Variants in MAGI1 observed in about 807,000 individuals in gnomAD.
MAGI1 encodes the protein membrane-associated guanylate kinase, WW and PDZ domain-containing protein 1.
Under a neutral mutation model 139.9 loss-of-function variants are expected in MAGI1, and 58 were observed. The ratio of observed to expected loss-of-function variants is 0.41; its 90% CI spans 0.34 to 0.52. MAGI1 has a LOEUF of 0.52. MAGI1 is among the 20% of genes least tolerant of loss of function. The pLI is 0.12. For synonymous variants in MAGI1, 812 were observed against 737.9 expected (o/e 1.10, Z -1.63); for missense variants, 1,874 against 1,901.6 (o/e 0.99, Z 0.27).
At chr3:65,391,025 C>G in intron 14 of MAGI1, 117 bp downstream of exon 14, 1 of 842,890 alleles carries the variant, frequency 1.2e-6, no homozygotes, top group Non-Finnish European at 1.9e-6. Context: ...TTGCATCTTG[C>G]GGATTTCACT....
intron 1 of MAGI1, among the ~76,000 whole-genome samples, chr3:65,802,461 C>T (rs371080721): frequency 2.6e-5 from 4 of 152,130 alleles, no homozygotes; most frequent in African/African-American, 9.7e-5. Flanking sequence ...AGATGGTAAA[C>T]AGAGCATCTG....
At chr3:65,912,094 A>G (rs1393604924) in intron 1 of MAGI1, among the ~76,000 whole-genome samples, 1 of 152,216 alleles carries the variant, frequency 6.6e-6, no homozygotes, top group African/African-American at 2.4e-5. Flanking sequence ...TATCTTAGAC[A>G]TATTTATTTT....
chr3:65,538,460 T>C (rs1170806801), intron 2 of MAGI1, among the ~76,000 whole-genome samples: 3 of 152,322 alleles, frequency 2.0e-5, no homozygotes, highest in Non-Finnish European at 2.9e-5. Flanking sequence ...ATTTTTCTCA[T>C]GTGTTCAGCA....
At chr3:65,512,295 T>G in intron 2 of MAGI1, among the ~76,000 whole-genome samples, 1 of 129,738 alleles carries the variant, frequency 7.7e-6, no homozygotes, top group Non-Finnish European at 1.6e-5. Context: ...AGGCAAGAAA[T>G]AACTAAAATC....
At chr3:65,871,753 G>T (rs2059946595) in intron 1 of MAGI1, among the ~76,000 whole-genome samples, 1 of 152,212 alleles carries the variant, frequency 6.6e-6, no homozygotes, top group African/African-American at 2.4e-5. Context: ...TGAATGCTGG[G>T]ACAGAAACTC....
At chr3:65,644,849 T>C (rs2085170952) in intron 1 of MAGI1, among the ~76,000 whole-genome samples, 1 of 151,830 alleles carries the variant, frequency 6.6e-6, no homozygotes, top group Non-Finnish European at 1.5e-5. Flanking sequence ...ATACAAAAAT[T>C]AGGCTGGCAT....
At chr3:65,582,612 T>C (rs1356581114) in intron 2 of MAGI1, among the ~76,000 whole-genome samples, 1 of 151,962 alleles carries the variant, frequency 6.6e-6, no homozygotes, top group Non-Finnish European at 1.5e-5. Flanking sequence ...TAAGACTTAC[T>C]GTTGAAAGCA....
At chr3:65,584,963 G>A (rs142180159) in intron 2 of MAGI1, among the ~76,000 whole-genome samples, 8 of 152,158 alleles carry the variant, frequency 5.3e-5, no homozygotes, top group Admixed American at 1.3e-4. Context: ...AAAGGCAGAC[G>A]GGCCAAATTG....
intron 1 of MAGI1, among the ~76,000 whole-genome samples, chr3:66,005,600 G>T: frequency 6.6e-6 from 1 of 151,918 alleles, no homozygotes; most frequent in South Asian, 2.1e-4. Context: ...AATCTCCCAC[G>T]CCTTCCCCTT....
At position 65,429,926 on chromosome 3, in the gene MAGI1, C is replaced by A. The variant is rs1439734064; in HGVS notation, c.1761G>T (p.Glu587Asp). 1 of 1,613,990 alleles carries A rather than the reference C, an allele frequency of 6.2e-7. No homozygotes were observed. Among genetic ancestry groups the A allele is most frequent in the East Asian group, 2.2e-5 (1 of 44,864 alleles). ...DKEPIIVNGQ[E>D]TYDSPASHSS... is the part of the protein sequence containing the mutation. Reference sequence around the variant, plus strand: ...TGTGGCTAGCTGGTGAATCATAGGTCTCTTGCCCATTCACAATAATTGGTT... The same window carrying A: ...TGTGGCTAGCTGGTGAATCATAGGTATCTTGCCCATTCACAATAATTGGTT... The change falls in exon 12 of 23, where the codon GAG becomes GAT. Residue 587 changes from glutamate (E) to aspartate (D), a missense_variant. Transcript: ENST00000402939.
chr3:66,015,933 C>A (rs1025612244), intron 1 of MAGI1, among the ~76,000 whole-genome samples: 1 of 152,042 alleles, frequency 6.6e-6, no homozygotes, highest in East Asian at 1.9e-4. Context: ...TTCAAGAAAT[C>A]GAAAGGAAAT....
At chr3:65,904,995 T>C (rs1213468289) in intron 1 of MAGI1, among the ~76,000 whole-genome samples, 1 of 152,106 alleles carries the variant, frequency 6.6e-6, no homozygotes, top group East Asian at 1.9e-4. Context: ...TTCAACAAAA[T>C]TAGGTACTCC....
At chr3:65,499,386 A>C (rs1248383676) in intron 2 of MAGI1, among the ~76,000 whole-genome samples, 1 of 152,234 alleles carries the variant, frequency 6.6e-6, no homozygotes, top group African/African-American at 2.4e-5. Context: ...GCAGTGGCTC[A>C]TGCCTGTAAT....
chr3:65,812,032 G>A (rs568077588), intron 1 of MAGI1, among the ~76,000 whole-genome samples: 35 of 151,860 alleles, frequency 2.3e-4, no homozygotes, highest in Non-Finnish European at 4.6e-4. Flanking sequence ...ACAAAAACTC[G>A]GCGGGAGAGG....
chr3:65,642,628 G>C (rs2085045539), intron 1 of MAGI1, among the ~76,000 whole-genome samples: 1 of 152,128 alleles, frequency 6.6e-6, no homozygotes, highest in Non-Finnish European at 1.5e-5. Context: ...ATCAAATCAT[G>C]AAAGTAAATC....
At chr3:65,519,687 A>T (rs2078067715) in intron 2 of MAGI1, among the ~76,000 whole-genome samples, 1 of 152,146 alleles carries the variant, frequency 6.6e-6, no homozygotes, top group South Asian at 2.1e-4. Flanking sequence ...CCTGGCCCTG[A>T]CTTAGATTTT....
At chr3:65,660,246 G>A (rs938228331) in intron 1 of MAGI1, among the ~76,000 whole-genome samples, 1 of 152,208 alleles carries the variant, frequency 6.6e-6, no homozygotes, top group South Asian at 2.1e-4. Flanking sequence ...CTCATGTCAT[G>A]CACTCTCTAA....
intron 1 of MAGI1, among the ~76,000 whole-genome samples, chr3:65,803,129 T>A (rs1575556816): frequency 6.6e-6 from 1 of 152,026 alleles, no homozygotes; most frequent in African/African-American, 2.4e-5. Context: ...TCACTTTGAA[T>A]AAGATAACAG....
intron 1 of MAGI1, among the ~76,000 whole-genome samples, chr3:65,833,794 T>C: frequency 6.6e-6 from 1 of 152,206 alleles, no homozygotes; most frequent in Non-Finnish European, 1.5e-5. Flanking sequence ...CAGAAAAGTT[T>C]CCTTAATTGA....
Sources: gnomAD v4.1 joint callset for allele counts (sites outside exome capture counted in the v4.1 genomes callset) on GRCh38, gnomAD v4.1.1 for gene constraint, MANE v1.5 for transcripts, NCBI Gene and HGNC (gene_info 2026-07-23, HGNC 2026-07-21) for gene names.